The following ZNF519 variants were observed in gnomAD, a reference collection of about 807,000 sequenced individuals.
ZNF519 encodes similar to Zinc finger protein 85 (Zinc finger protein HPF4) (HTF1).
Under a neutral mutation model 7.4 loss-of-function variants are expected in ZNF519, and 7 were observed. The observed-to-expected ratio is 0.94, with a 90% CI of 0.54 to 1.77. ZNF519 has a LOEUF of 1.77. Among genes scored for constraint, ZNF519 ranks in the 40% most tolerant of loss-of-function variants. ZNF519 has a pLI of 0.00. For missense variants in ZNF519, 586 were observed against 623.1 expected (o/e 0.94, Z 0.63); for synonymous variants, 179 against 203.3 (o/e 0.88, Z 1.02).
intron 2 of ZNF519, among the ~76,000 whole-genome samples, chr18:14,094,767 TA>T (rs1402553773): frequency 6.6e-6 from 1 of 152,180 alleles, no homozygotes; most frequent in Admixed American, 6.5e-5. Context: ...TGTTTTGCTA[TA>T]TTTTCAAATA....
chr18:14,128,842 T>C (rs960257382), intron 1 of ZNF519, among the ~76,000 whole-genome samples: 2 of 152,232 alleles, frequency 1.3e-5, no homozygotes, highest in Non-Finnish European at 2.9e-5. Context: ...TCCCTCATTT[T>C]AAAGAGAAAG....
intron 3 of ZNF519, chr18:14,082,043 A>T (rs1476960187): frequency 1.3e-5 from 2 of 151,720 alleles, no homozygotes; most frequent in African/African-American, 2.4e-5. Flanking sequence ...AGATATACAT[A>T]AAAAAATAAA....
chr18:14,094,550 CCTT>C (rs59998792), intron 2 of ZNF519, among the ~76,000 whole-genome samples: 9,757 of 152,194 alleles, frequency 0.064, 583 homozygotes, highest in African/African-American at 0.14. Context: ...AAGTTTGTGT[CCTT>C]CATTCTGCTG....
chr18:14,091,066 A>AT (rs2046112561), intron 2 of ZNF519: 1 of 152,158 alleles, frequency 6.6e-6, no homozygotes, highest in South Asian at 2.1e-4. Context: ...TTAAAGCATT[A>AT]TTTTTTGGAC....
chr18:14,111,575 A>G (rs1425045552), intron 2 of ZNF519, among the ~76,000 whole-genome samples: 1 of 151,896 alleles, frequency 6.6e-6, no homozygotes, highest in Non-Finnish European at 1.5e-5. Flanking sequence ...AATAAATAAT[A>G]ACAAAGATGA....
chr18:14,130,643 C>G (rs897547915), intron 1 of ZNF519, among the ~76,000 whole-genome samples: 2 of 151,964 alleles, frequency 1.3e-5, no homozygotes, highest in African/African-American at 4.8e-5. Flanking sequence ...AGACACTGCA[C>G]TGTGCCCCAC....
rs1315490271 is a variant in ZNF519 at position 14,116,806 on chromosome 18, A to G, written c.130+7544T>C. 3.3e-5 allele frequency among the ~76,000 whole-genome samples: 5 copies of G among 152,208 alleles called. No individual in the cohort carries two copies. In the East Asian group the frequency reaches 9.6e-4, roughly 29 times the overall value. ...CAGATTACTTGAGGTCAGGAGTTCA[A>G]AACCAGCCTGACCAACAGGGTGAAA... is the stretch of plus-strand genomic sequence containing the variant. On this transcript the variant is annotated intron_variant, in intron 2 of 2. Transcript: ENST00000590202.
In ZNF519 at chr18:14,106,354, T is replaced by C. The variant is rs189790181; in HGVS notation, c.186A>G (p.Ser62=). The C allele has an allele frequency of 2.1e-5, 34 of 1,612,710 alleles. No individual in the cohort carries two copies. In the African/African-American group the frequency reaches 3.6e-4, roughly 17 times the overall value. Residue 62 remains serine (S), a synonymous_variant, in exon 3 of 3, where the codon TCA becomes TCG. Coordinates refer to ENST00000590202, the MANE Select transcript of ZNF519 (RefSeq NM_145287.4). ...ATCTTCCCAGTGTTGCTTTTTTGAA[T>C]GAATCTTGTATGCCTTGCTCTGGTA... ...GILPEQGIQD[S]FKKATLGRYG...
Position 14,101,831 on chromosome 18 carries a change from T to C in ZNF519, c.*3086A>G, listed in dbSNP as rs1237610536. On this transcript the variant is annotated 3_prime_UTR_variant, in exon 3 of 3. Coordinates refer to ENST00000590202, the MANE Select transcript of ZNF519 (RefSeq NM_145287.4). ...GCAACAGAGCCCTGCTTGGCTGACC[T>C]GGCCTCTTCTGTCGAGTCTTTCCAT... 5.0e-6 allele frequency: 2 copies of C among 398,208 alleles called. No individual in the cohort carries two copies. The highest frequency in any genetic ancestry group is 8.9e-6 in the Non-Finnish European group (2 of 225,982). The allele number at this position is 398,208 out of a possible 1,614,324, so 24.7% of individuals were successfully genotyped here. A position where few individuals can be genotyped will look rare whatever the true frequency, so the allele number is the denominator to read the frequency against.
intron 1 of ZNF519, among the ~76,000 whole-genome samples, chr18:14,130,538 T>G (rs1764821204): frequency 6.6e-6 from 1 of 152,112 alleles, no homozygotes; most frequent in Admixed American, 6.5e-5. Context: ...AACAGGGACA[T>G]ATGACTCAAG....
chr18:14,105,472 G>C lies in ZNF519; in HGVS notation c.1068C>G (p.Ala356=). The change falls in exon 3 of 3, where the codon GCC becomes GCG. Residue 356 remains alanine (A), a synonymous_variant. Coordinates refer to ENST00000590202, the MANE Select transcript of ZNF519 (RefSeq NM_145287.4). Reference sequence around the variant, plus strand: ...GAGTAAGGTATGACCCCCTGTTAAAGGCTTTGCCACATTCTTCACATTTGA... The same window carrying C: ...GAGTAAGGTATGACCCCCTGTTAAACGCTTTGCCACATTCTTCACATTTGA... ...RAFKCEECGK[A]FNRGSYLTQH... 1 of 1,610,640 alleles carries C rather than the reference G, an allele frequency of 6.2e-7. No homozygotes were observed. The highest frequency in any genetic ancestry group is 8.5e-7 in the Non-Finnish European group (1 of 1,178,940).
At chr18:14,096,036 G>A (rs2046135044), downstream of ZNF519, among the ~76,000 whole-genome samples, 1 of 152,226 alleles carries the variant, frequency 6.6e-6, no homozygotes, top group Admixed American at 6.5e-5. Flanking sequence ...GGGGCTGAAG[G>A]TTTCTGCCTT....
intron 2 of ZNF519, among the ~76,000 whole-genome samples, chr18:14,089,218 T>C (rs1448697278): frequency 2.0e-5 from 3 of 152,216 alleles, no homozygotes; most frequent in Non-Finnish European, 4.4e-5. Flanking sequence ...ATTCAGAGAA[T>C]TTGATGGGAA....
rs563010875 is a variant in ZNF519, at chr18:14,103,499, G to C, written c.*1418C>G. 1 of 152,146 alleles carries C rather than the reference G, an allele frequency of 6.6e-6. No individual in the cohort carries two copies. The highest frequency in any genetic ancestry group is 2.1e-4 in the South Asian group (1 of 4,824). 9.4% of individuals were successfully genotyped at this position (152,146 alleles called of 1,614,324 possible). On this transcript the variant is annotated 3_prime_UTR_variant, in exon 3 of 3. Coordinates refer to ENST00000590202, the MANE Select transcript of ZNF519 (RefSeq NM_145287.4). ...ATATTTTCAGATAAATGAAAATGAAGTTATGACATATCGAAACATGAGATG... is the reference window on the plus strand; with the variant it reads ...ATATTTTCAGATAAATGAAAATGAACTTATGACATATCGAAACATGAGATG...
chr18:14,129,865 G>A (rs1440027104), intron 1 of ZNF519, among the ~76,000 whole-genome samples: 1 of 152,032 alleles, frequency 6.6e-6, no homozygotes, highest in Non-Finnish European at 1.5e-5. Flanking sequence ...ACTATTCACA[G>A]AACTCAGCAA....
intron 2 of ZNF519, among the ~76,000 whole-genome samples, chr18:14,091,452 C>T (rs974379196): frequency 2.6e-5 from 4 of 152,124 alleles, no homozygotes; most frequent in African/African-American, 4.8e-5. Context: ...CATTATTATG[C>T]GGTGAAGACA....
intron 1 of ZNF519, among the ~76,000 whole-genome samples, chr18:14,128,818 A>T (rs1387742354): frequency 1.3e-5 from 2 of 152,220 alleles, no homozygotes; most frequent in African/African-American, 4.8e-5. Context: ...TAAGAAAAGA[A>T]GAGCAAAAAT....
chr18:14,124,359 C>A lies in ZNF519; in HGVS notation c.121G>T (p.Val41Phe). The A allele has an allele frequency of 6.2e-7, 1 of 1,603,026 alleles. No individual in the cohort carries two copies. Among genetic ancestry groups the A allele is most frequent in the Non-Finnish European group, 8.5e-7 (1 of 1,177,528 alleles). Residue 41 changes from valine (V) to phenylalanine (F), a missense_variant, in exon 2 of 3, where the codon GTC (valine) becomes TTC (phenylalanine). Val to Phe is a conservative substitution (Grantham distance 50). Transcript: ENST00000590202. ...DVMLENYRNL[V>F]SLAVYSYYNQ... The stretch of plus-strand genomic sequence containing the variant: ...TTGAAGTTATTCTCACCCAGGGAGA[C>A]GAGGTTTCTGTAGTTCTCCAACATC...
intron 2 of ZNF519, among the ~76,000 whole-genome samples, chr18:14,116,349 C>T (rs1223086471): frequency 6.6e-6 from 1 of 151,964 alleles, no homozygotes; most frequent in African/African-American, 2.4e-5. Flanking sequence ...TTCAAAGGAC[C>T]ATTGATGGCC....
Sources: allele counts gnomAD v4.1 joint callset (sites outside exome capture counted in the v4.1 genomes callset), GRCh38; gene constraint gnomAD v4.1.1; transcripts MANE v1.5; gene names NCBI Gene and HGNC (gene_info 2026-07-23, HGNC 2026-07-21).